The following CLIC6 variants were observed in gnomAD, a reference collection of about 807,000 sequenced individuals.
CLIC6 encodes the protein chloride intracellular channel protein 6.
In CLIC6, 39 loss-of-function variants were observed where a neutral mutation model predicts 49.2. That is an observed-to-expected ratio of 0.79 (90% confidence interval 0.61 to 1.04). The LOEUF is 1.04. Among genes scored for constraint, CLIC6 ranks in the 50% least tolerant of loss-of-function variants. The pLI is 0.00. For missense variants in CLIC6, 988 were observed against 993.1 expected, an observed-to-expected ratio of 0.99 and a Z score of 0.07; for synonymous variants, 446 against 433.4, an observed-to-expected ratio of 1.03 and a Z score of -0.36.
chr21:34,694,752 A>C (rs1420924856), intron 1 of CLIC6, among the ~76,000 whole-genome samples: 1 of 152,220 alleles, frequency 6.6e-6, no homozygotes, highest in African/African-American at 2.4e-5. Flanking sequence ...CAATGTGAGA[A>C]TGGACTAATA....
At position 34,708,754 on chromosome 21, in the gene CLIC6, G is replaced by A. The variant is rs1442931107; in HGVS notation, c.1665G>A (p.Val555=). Residue 555 remains valine (V), a synonymous_variant, in exon 4 of 6, where the codon GTG becomes GTA. Coordinates refer to ENST00000349499, the MANE Select transcript of CLIC6 (RefSeq NM_053277.3). ...AATCTAATTCCGCAGGAAATGACGT[G>A]TTTGCCAAATTCTCAGCGTTTATAA... ...HPESNSAGND[V]FAKFSAFIKN... 6.2e-7 allele frequency: 1 copy of A among 1,614,184 alleles called. No homozygotes were observed. The highest frequency in any genetic ancestry group is 8.5e-7 in the Non-Finnish European group (1 of 1,180,016).
At chr21:34,711,448 T>C (rs12329815) in intron 5 of CLIC6, among the ~76,000 whole-genome samples, 81,927 of 151,716 alleles carry the variant, frequency 0.54, 22,884 homozygotes, top group East Asian at 0.73. Context: ...ACGAGAATCA[T>C]TTGAACCCAG....
At chr21:34,687,743 T>C (rs1433745821) in intron 1 of CLIC6, among the ~76,000 whole-genome samples, 1 of 152,212 alleles carries the variant, frequency 6.6e-6, no homozygotes, top group Non-Finnish European at 1.5e-5. Context: ...TACTTAGGAA[T>C]ATGTTTAGGA....
chr21:34,714,569 TC>T (rs1268544900), intron 5 of CLIC6, among the ~76,000 whole-genome samples: 3 of 151,860 alleles, frequency 2.0e-5, no homozygotes, highest in African/African-American at 7.3e-5. Flanking sequence ...ACACCTGTAA[TC>T]CCAGCTACTC....
At chr21:34,699,515 C>T (rs12627157) in intron 1 of CLIC6, among the ~76,000 whole-genome samples, 25,747 of 151,330 alleles carry the variant, frequency 0.17, 2,244 homozygotes, top group Non-Finnish European at 0.19. Flanking sequence ...CTGCCCACCT[C>T]GGCCTTCCCA....
chr21:34,716,450 G>A lies in CLIC6; in HGVS notation c.2029G>A (p.Ala677Thr), dbSNP rs767983391. Residue 677 changes from alanine (A) to threonine (T), a missense_variant, in exon 6 of 6, where the codon GCA becomes ACA. Transcript: ENST00000349499. ...TCPADQEIEHAYSDVAKRMK is the reference protein window; with the variant it reads ...TCPADQEIEHTYSDVAKRMK ...TCCAGCTGATCAAGAGATTGAACAC[G>A]CATATTCAGATGTTGCAAAAAGAAT... The A allele has an allele frequency of 9.3e-6, 15 of 1,612,118 alleles. No homozygotes were observed. Among genetic ancestry groups the A allele is most frequent in the South Asian group, 3.3e-5 (3 of 90,602 alleles).
intron 1 of CLIC6, among the ~76,000 whole-genome samples, chr21:34,690,258 G>A (rs1302806284): frequency 6.6e-6 from 1 of 152,148 alleles, no homozygotes; most frequent in Non-Finnish European, 1.5e-5. Context: ...GGCCAGTGCT[G>A]TCACCCCACA....
chr21:34,715,911 A>G (rs1325254802), intron 5 of CLIC6, among the ~76,000 whole-genome samples: 1 of 152,254 alleles, frequency 6.6e-6, no homozygotes, highest in Non-Finnish European at 1.5e-5. Flanking sequence ...GCAAGTAGGA[A>G]GAAGAGAGGG....
intron 5 of CLIC6, 21 bp from the exon 6 acceptor site, chr21:34,716,300 T>C: frequency 6.2e-7 from 1 of 1,606,900 alleles, no homozygotes. Context: ...CCTTTACTGA[T>C]CATTTTCTCT....
intron 1 of CLIC6, among the ~76,000 whole-genome samples, chr21:34,692,397 G>A (rs962102738): frequency 3.9e-5 from 6 of 152,192 alleles, no homozygotes; most frequent in African/African-American, 1.4e-4. Flanking sequence ...TGAAAGGCTG[G>A]TGGGGGCATT....
chr21:34,671,830 T>C (rs547024924), intron 1 of CLIC6, among the ~76,000 whole-genome samples: 32 of 152,118 alleles, frequency 2.1e-4, no homozygotes, highest in Non-Finnish European at 4.3e-4. Flanking sequence ...ATTTTAAGAA[T>C]TGTTTGGGTG....
At chr21:34,682,559 T>A (rs1027402521) in intron 1 of CLIC6, among the ~76,000 whole-genome samples, 2 of 152,178 alleles carry the variant, frequency 1.3e-5, no homozygotes, top group Non-Finnish European at 2.9e-5. Flanking sequence ...GACTTTTGTC[T>A]GTCACATGTG....
intron 1 of CLIC6, among the ~76,000 whole-genome samples, chr21:34,680,313 G>A (rs1989753365): frequency 6.6e-6 from 1 of 152,196 alleles, no homozygotes; most frequent in South Asian, 2.1e-4. Flanking sequence ...CTGGGATGCA[G>A]GGCACTAAGT....
chr21:34,716,832 TCTC>T lies in CLIC6; in HGVS notation c.*351_*353del. ...ATGTTCCAAATCTTCAGTATCTTGT[TCTC>T]TCTCTCTCTCTCTCTCTCTCTCTCT... On this transcript the variant is annotated 3_prime_UTR_variant, in exon 6 of 6. Transcript: ENST00000349499. The T allele has an allele frequency of 4.2e-5, 1 of 23,914 alleles. No homozygotes were observed. Among genetic ancestry groups the T allele is most frequent in the Non-Finnish European group, 7.0e-5 (1 of 14,360 alleles). The allele number at this position is 23,914 out of a possible 1,614,324, so 1.5% of individuals were successfully genotyped here.
At chr21:34,711,128 A>C (rs1420469550) in intron 5 of CLIC6, among the ~76,000 whole-genome samples, 1 of 152,264 alleles carries the variant, frequency 6.6e-6, no homozygotes, top group Non-Finnish European at 1.5e-5. Flanking sequence ...AAATCCTGCC[A>C]GGGCCAGAGC....
intron 1 of CLIC6, among the ~76,000 whole-genome samples, chr21:34,702,870 G>A (rs767646436): frequency 7.2e-5 from 11 of 152,190 alleles, no homozygotes; most frequent in Non-Finnish European, 1.6e-4. Context: ...AGCCCTGGCT[G>A]GGTCTTCTGG....
At chr21:34,712,441 C>A (rs1393630961) in intron 5 of CLIC6, among the ~76,000 whole-genome samples, 1 of 152,136 alleles carries the variant, frequency 6.6e-6, no homozygotes, top group Non-Finnish European at 1.5e-5. Context: ...TTCTCCGTAT[C>A]TTTAGCAAAG....
chr21:34,694,652 C>A (rs1601276818), intron 1 of CLIC6, among the ~76,000 whole-genome samples: 1 of 152,148 alleles, frequency 6.6e-6, no homozygotes. Context: ...GAGGCCTCCC[C>A]AGCCATGCTT....
At chr21:34,690,030 A>G (rs1352423462) in intron 1 of CLIC6, among the ~76,000 whole-genome samples, 1 of 152,142 alleles carries the variant, frequency 6.6e-6, no homozygotes, top group East Asian at 1.9e-4. Flanking sequence ...AAAGACTTTC[A>G]TTATTTTCTG....
Sources: allele counts gnomAD v4.1 joint callset (sites outside exome capture counted in the v4.1 genomes callset), GRCh38; gene constraint gnomAD v4.1.1; transcripts MANE v1.5; gene names NCBI Gene and HGNC (gene_info 2026-07-23, HGNC 2026-07-21).